Variants in DNAAF4 observed in about 807,000 individuals in gnomAD.
DNAAF4 encodes the protein dynein assembly factor 4, axonemal.
Under a neutral mutation model 51.8 loss-of-function variants are expected in DNAAF4, and 43 were observed. That is an observed-to-expected ratio of 0.83 (90% confidence interval 0.65 to 1.07). The LOEUF is 1.07. Among genes scored for constraint, DNAAF4 ranks in the 50% least tolerant of loss-of-function variants. The pLI, the probability that DNAAF4 is intolerant of heterozygous loss-of-function variation, is 0.00. For missense variants in DNAAF4, 581 were observed against 493.0 expected (o/e 1.18, Z -1.69); for synonymous variants, 194 against 165.6 (o/e 1.17, Z -1.32).
intron 5 of DNAAF4, among the ~76,000 whole-genome samples, chr15:55,457,525 A>T (rs2141479567): frequency 6.6e-6 from 1 of 152,210 alleles, no homozygotes; most frequent in South Asian, 2.1e-4. Flanking sequence ...GTCCCGGCCA[A>T]CATCAAGATT....
Position 55,503,853 on chromosome 15 carries a change from G to C in DNAAF4, c.-256+4269C>G, listed in dbSNP as rs545739883. Among the ~76,000 whole-genome samples the C allele has an allele frequency of 2.0e-5, 3 of 152,242 alleles. No individual in the cohort carries two copies. In the South Asian group the frequency reaches 6.2e-4, roughly 32 times the overall value. ...GGCAAAAACTGGAAGCATTCCCTTT[G>C]AAAACCGGCACAAGACAAGGATGCC... On this transcript the variant is annotated intron_variant, in intron 1 of 9. Transcript: ENST00000321149.
chr15:55,486,188 TG>T (rs1255694375), intron 4 of DNAAF4, among the ~76,000 whole-genome samples: 1 of 145,860 alleles, frequency 6.9e-6, no homozygotes, highest in Non-Finnish European at 1.5e-5. Context: ...GTTGGTTGGT[TG>T]GTTGGTTTTT....
At chr15:55,418,262 A>C (rs767444737) in intron 7 of DNAAF4, 6 of 1,555,474 alleles carry the variant, frequency 3.9e-6, no homozygotes, top group Non-Finnish European at 5.2e-6. Flanking sequence ...AGACACAGAA[A>C]TGAAATCTGA....
intron 4 of DNAAF4, among the ~76,000 whole-genome samples, chr15:55,490,692 G>A (rs1224281966): frequency 1.3e-5 from 2 of 152,096 alleles, no homozygotes; most frequent in Non-Finnish European, 2.9e-5. Flanking sequence ...GGTGGCTCAC[G>A]CCTCTAATCC....
intron 4 of DNAAF4, among the ~76,000 whole-genome samples, chr15:55,473,093 G>A (rs1437445530): frequency 6.7e-6 from 1 of 149,960 alleles, no homozygotes; most frequent in African/African-American, 2.5e-5. Flanking sequence ...TTAAACCCAA[G>A]AGGCAGAGGT....
chr15:55,492,105 C>T lies in DNAAF4; in HGVS notation c.272-849G>A, dbSNP rs560119455. On this transcript the variant is annotated intron_variant, in intron 3 of 9. Transcript: ENST00000321149. ...CTCCTGGGCTCAAGCGATGCTCCTACCTTGGCCTCCCAAAGTGCTGGAATT... is the reference window on the plus strand; with the variant it reads ...CTCCTGGGCTCAAGCGATGCTCCTATCTTGGCCTCCCAAAGTGCTGGAATT... Among the ~76,000 whole-genome samples the T allele has an allele frequency of 2.0e-5, 3 of 152,072 alleles. No individual in the cohort carries two copies. In the East Asian group the frequency reaches 5.8e-4, roughly 29 times the overall value.
intron 6 of DNAAF4, among the ~76,000 whole-genome samples, chr15:55,447,242 A>G (rs1475295614): frequency 6.7e-6 from 1 of 148,214 alleles, no homozygotes; most frequent in African/African-American, 2.5e-5. Context: ...GGCGCTCCCC[A>G]CTTCCCAGAT....
chr15:55,449,589 G>GGGA (rs2057899708), intron 6 of DNAAF4, among the ~76,000 whole-genome samples: 2 of 150,968 alleles, frequency 1.3e-5, no homozygotes, highest in African/African-American at 4.9e-5. Flanking sequence ...GTTTGAACCT[G>GGGA]GGAGGAGGAG....
rs144723007 is a variant in DNAAF4, at chr15:55,453,244, G to C, written c.638-2877C>G. ...AGCTCCAGGTATTCCTCATCAACAA[G>C]TCTTTTGCAAATAAGAATATATGAT... On this transcript the variant is annotated intron_variant, in intron 5 of 9. Transcript: ENST00000321149. Among the ~76,000 whole-genome samples, 696 of 152,246 alleles carry C rather than the reference G, an allele frequency of 4.6e-3. 5 individuals are homozygous for C. The highest frequency in any genetic ancestry group is 0.016 in the African/African-American group (648 of 41,530).
chr15:55,449,428 C>T (rs1327750262), intron 6 of DNAAF4, among the ~76,000 whole-genome samples: 1 of 150,268 alleles, frequency 6.7e-6, no homozygotes, highest in Non-Finnish European at 1.5e-5. Context: ...ATTGGGAGGC[C>T]GAGCAGGGTG....
At position 55,481,609 on chromosome 15, in the gene DNAAF4, T is replaced by C. The variant is rs184952421; in HGVS notation, c.405+9514A>G. On this transcript the variant is annotated intron_variant, in intron 4 of 9. Transcript: ENST00000321149. ...ACTAGACAGAGCAGGGCAAGAGTTC[T>C]GTGGTCCCCAATATGTAGGGACTCT... 5.3e-3 allele frequency among the ~76,000 whole-genome samples: 812 copies of C among 152,282 alleles called. 2 individuals are homozygous for C. Among genetic ancestry groups the C allele is most frequent in the Non-Finnish European group, 9.1e-3 (618 of 68,008 alleles).
chr15:55,448,210 C>T (rs570210283), intron 6 of DNAAF4, among the ~76,000 whole-genome samples: 12 of 151,988 alleles, frequency 7.9e-5, no homozygotes, highest in African/African-American at 1.7e-4. Context: ...TGCTGGATTA[C>T]GTTTACTGAT....
At chr15:55,458,422 A>G (rs1303576640) in intron 5 of DNAAF4, among the ~76,000 whole-genome samples, 5 of 152,178 alleles carry the variant, frequency 3.3e-5, no homozygotes, top group Admixed American at 2.6e-4. Flanking sequence ...ATAGATTTGA[A>G]CAAGTAGAAG....
chr15:55,501,097 C>T (rs930045797), intron 1 of DNAAF4, among the ~76,000 whole-genome samples: 2 of 151,700 alleles, frequency 1.3e-5, no homozygotes, highest in African/African-American at 4.8e-5. Context: ...CGGAGTCTCA[C>T]TCTCTCACCA....
At chr15:55,475,353 A>T (rs551260246) in intron 4 of DNAAF4, among the ~76,000 whole-genome samples, 1 of 152,308 alleles carries the variant, frequency 6.6e-6, no homozygotes, top group African/African-American at 2.4e-5. Flanking sequence ...GAAGACTACA[A>T]AGAGAAAAGT....
At position 55,487,322 on chromosome 15, in the gene DNAAF4, GA is replaced by G. The variant is rs1243357349; in HGVS notation, c.405+3800del. The stretch of plus-strand genomic sequence containing the variant: ...TGTAAACGCGCCAATCAGCATTCTG[GA>G]AAAATGCACCAATCAGTGCTCTGTG... On this transcript the variant is annotated intron_variant, in intron 4 of 9. Coordinates refer to ENST00000321149, the MANE Select transcript of DNAAF4 (RefSeq NM_130810.4). 1.3e-5 allele frequency among the ~76,000 whole-genome samples: 2 copies of G among 151,814 alleles called. 1 individual carries two copies. Among genetic ancestry groups the G allele is most frequent in the Admixed American group, 1.3e-4 (2 of 15,226 alleles).
At position 55,467,166 on chromosome 15, in the gene DNAAF4, A is replaced by T; in HGVS notation, c.406-5T>A. On this transcript the variant is annotated splice_region_variant and splice_polypyrimidine_tract_variant and intron_variant, in intron 4 of 9. Transcript: ENST00000321149. Reference sequence around the variant, plus strand: ...TTTCCTCTCTTCTTCTTCAATCTATAACAATTGCAATTACCAAATTCTTTA... The same window carrying T: ...TTTCCTCTCTTCTTCTTCAATCTATTACAATTGCAATTACCAAATTCTTTA... The T allele has an allele frequency of 1.3e-6, 2 of 1,520,910 alleles. No individual in the cohort carries two copies. The highest frequency in any genetic ancestry group is 1.8e-6 in the Non-Finnish European group (2 of 1,130,642). The allele number at this position is 1,520,910 out of a possible 1,614,324, so 94.2% of individuals were successfully genotyped here. A position where few individuals can be genotyped will look rare whatever the true frequency, so the allele number is the denominator to read the frequency against.
At chr15:55,429,794 G>A (rs2057469193), downstream of DNAAF4, among the ~76,000 whole-genome samples, 1 of 150,264 alleles carries the variant, frequency 6.7e-6, no homozygotes, top group African/African-American at 2.5e-5. Context: ...TCCAGCCTGG[G>A]CAACAAAGGG....
chr15:55,502,616 T>C (rs2058705448), intron 1 of DNAAF4, among the ~76,000 whole-genome samples: 1 of 152,298 alleles, frequency 6.6e-6, no homozygotes, highest in South Asian at 2.1e-4. Flanking sequence ...AAGGAGAAGA[T>C]ATTTTTTCTT....
Sources: allele counts gnomAD v4.1 joint callset (sites outside exome capture counted in the v4.1 genomes callset), GRCh38; gene constraint gnomAD v4.1.1; transcripts MANE v1.5; gene names NCBI Gene and HGNC (gene_info 2026-07-23, HGNC 2026-07-21).